Variants in MARCHF10 observed in about 807,000 individuals in gnomAD.
The protein encoded by MARCHF10 is probable E3 ubiquitin-protein ligase MARCHF10.
A neutral mutation model predicts 76.2 loss-of-function variants in MARCHF10; 64 were observed. That is an observed-to-expected ratio of 0.84 (90% CI 0.69 to 1.03). The LOEUF (loss-of-function observed/expected upper bound fraction) is 1.03, where lower values mean the gene tolerates loss of function less well. Ranked by LOEUF, MARCHF10 falls within the 50% of genes least tolerant of loss-of-function variation. The pLI, the probability that MARCHF10 is intolerant of heterozygous loss-of-function variation, is 0.00. For synonymous variants in MARCHF10, 340 were observed against 357.5 expected (o/e 0.95, Z 0.55); for missense variants, 875 against 958.0 (o/e 0.91, Z 1.14).
At position 62,780,711 on chromosome 17, in the gene MARCHF10, G is replaced by A. The variant is rs535055860; in HGVS notation, c.210+7769C>T. Among the ~76,000 whole-genome samples, 6 of 152,308 alleles carry A rather than the reference G, an allele frequency of 3.9e-5. No homozygotes were observed. In the South Asian group the frequency reaches 6.2e-4, roughly 16 times the overall value. On this transcript the variant is annotated intron_variant, in intron 3 of 10. Coordinates refer to ENST00000311269, the MANE Select transcript of MARCHF10 (RefSeq NM_152598.4). ...GATCTCTACCTTTCTTCCCCATGAA[G>A]TAAATGCAGTGAGAACGTGTTCTCA...
chr17:62,721,316 C>A (rs1479744163), intron 8 of MARCHF10, among the ~76,000 whole-genome samples: 2 of 151,752 alleles, frequency 1.3e-5, no homozygotes, highest in Non-Finnish European at 2.9e-5. Flanking sequence ...GGAAAGTGTA[C>A]TAAGTCTTTG....
chr17:62,745,411 G>T (rs1344306057), intron 4 of MARCHF10, among the ~76,000 whole-genome samples: 1 of 152,124 alleles, frequency 6.6e-6, no homozygotes. Context: ...GCCTTGCTAA[G>T]AAGTTTCTAG....
chr17:62,727,157 G>A (rs1568118536), intron 6 of MARCHF10, among the ~76,000 whole-genome samples: 1 of 152,184 alleles, frequency 6.6e-6, no homozygotes, highest in Non-Finnish European at 1.5e-5. Context: ...TCAACAGGAG[G>A]ACGAAGGGCT....
At chr17:62,779,821 G>T (rs1283638654) in intron 3 of MARCHF10, among the ~76,000 whole-genome samples, 1 of 152,358 alleles carries the variant, frequency 6.6e-6, no homozygotes, top group East Asian at 1.9e-4. Flanking sequence ...GGATGGCTGA[G>T]TGCAGTGGCT....
chr17:62,800,234 A>C (rs2093049261), intron 2 of MARCHF10, among the ~76,000 whole-genome samples: 1 of 152,206 alleles, frequency 6.6e-6, no homozygotes, highest in Non-Finnish European at 1.5e-5. Flanking sequence ...TTAGAAAATA[A>C]AACGGCAACG....
At chr17:62,793,093 A>T (rs2092897117) in intron 2 of MARCHF10, among the ~76,000 whole-genome samples, 1 of 135,530 alleles carries the variant, frequency 7.4e-6, no homozygotes, top group South Asian at 2.5e-4. Flanking sequence ...CACCACCTCC[A>T]TTACCACCAC....
At chr17:62,729,766 G>T (rs1442194942) in intron 6 of MARCHF10, among the ~76,000 whole-genome samples, 4 of 151,948 alleles carry the variant, frequency 2.6e-5, no homozygotes, top group Non-Finnish European at 5.9e-5. Context: ...TAGAGACAGG[G>T]TATCGCCATG....
intron 6 of MARCHF10, among the ~76,000 whole-genome samples, chr17:62,733,879 C>T (rs2091143568): frequency 6.6e-6 from 1 of 152,140 alleles, no homozygotes; most frequent in African/African-American, 2.4e-5. Context: ...CATAAATATA[C>T]ACAACATATT....
intron 3 of MARCHF10, among the ~76,000 whole-genome samples, chr17:62,783,127 C>T (rs1341914700): frequency 6.7e-6 from 1 of 149,360 alleles, no homozygotes; most frequent in Non-Finnish European, 1.5e-5. Context: ...CTCTGACACA[C>T]TGAGGGACAG....
intron 10 of MARCHF10, among the ~76,000 whole-genome samples, chr17:62,704,183 G>C (rs2089429004): frequency 6.6e-6 from 1 of 151,532 alleles, no homozygotes; most frequent in Non-Finnish European, 1.5e-5. Context: ...CCGAGGCGGA[G>C]GCTGGGACGC....
chr17:62,707,022 A>T (rs1473301117), intron 9 of MARCHF10, among the ~76,000 whole-genome samples: 2 of 152,190 alleles, frequency 1.3e-5, no homozygotes, highest in Non-Finnish European at 2.9e-5. Context: ...AGAAGCGAGC[A>T]TCCAGTGCTT....
intron 9 of MARCHF10, among the ~76,000 whole-genome samples, chr17:62,709,757 G>GT (rs2089812169): frequency 1.3e-5 from 2 of 151,764 alleles, no homozygotes; most frequent in Non-Finnish European, 1.5e-5. Flanking sequence ...GCCTTTTTTT[G>GT]TTTTTTGTTT....
chr17:62,779,917 C>A (rs1000373874), intron 3 of MARCHF10, among the ~76,000 whole-genome samples: 11 of 152,108 alleles, frequency 7.2e-5, no homozygotes, highest in African/African-American at 2.4e-4. Context: ...GCCAACATGG[C>A]AAGACCCTGT....
At chr17:62,778,710 C>T (rs1016930147) in intron 3 of MARCHF10, among the ~76,000 whole-genome samples, 1 of 142,970 alleles carries the variant, frequency 7.0e-6, no homozygotes, top group Non-Finnish European at 1.5e-5. Context: ...AAAATCCAGA[C>T]AAGAAAAGAG....
intron 2 of MARCHF10, among the ~76,000 whole-genome samples, chr17:62,797,630 G>T (rs1436357361): frequency 6.6e-6 from 1 of 152,222 alleles, no homozygotes; most frequent in Non-Finnish European, 1.5e-5. Flanking sequence ...GGAAGAAGAC[G>T]TTGGCAAAGT....
chr17:62,757,730 C>T lies in MARCHF10; in HGVS notation c.382+2105G>A, dbSNP rs1350200164. On this transcript the variant is annotated intron_variant, in intron 4 of 10. Transcript: ENST00000311269. ...TCTTGGACGTGGTCTAGGGCCAGAACGCAGTGATGAAGCTGGTGGTTTGTA... is the reference window on the plus strand; with the variant it reads ...TCTTGGACGTGGTCTAGGGCCAGAATGCAGTGATGAAGCTGGTGGTTTGTA... Among the ~76,000 whole-genome samples the T allele has an allele frequency of 5.3e-5, 8 of 152,320 alleles. No individual in the cohort carries two copies. The East Asian group carries it at 1.4e-3, about 26-fold the overall frequency.
At chr17:62,781,530 C>A (rs1207775049) in intron 3 of MARCHF10, among the ~76,000 whole-genome samples, 1 of 152,180 alleles carries the variant, frequency 6.6e-6, no homozygotes, top group Non-Finnish European at 1.5e-5. Context: ...AAGTACCACT[C>A]TAAAGAACTT....
At chr17:62,777,713 C>CAAAAA (rs386386400) in intron 3 of MARCHF10, among the ~76,000 whole-genome samples, 1,453 of 59,410 alleles carry the variant, frequency 0.024, 187 homozygotes, top group Non-Finnish European at 0.036. Flanking sequence ...GACTCCATCT[C>CAAAAA]AAAAAAAAAA....
chr17:62,736,634 CTT>C lies in MARCHF10; in HGVS notation c.1232_1233del (p.Gln411ArgfsTer7), dbSNP rs2091278176. 1 of 1,614,198 alleles carries C rather than the reference CTT, an allele frequency of 6.2e-7. No homozygotes were observed. The highest frequency in any genetic ancestry group is 8.5e-7 in the Non-Finnish European group (1 of 1,180,038). ...ACATTTTCAGCATTGACACCAACCT[CTT>C]GTCTGGGCTCGGATTTGGTGTCCCA... Reference protein sequence around the residue: ...LSWDTKSEPRQEVGVNAENVW... With the variant: ...LSWDTKSEPRXEVGVNAENVW... On this transcript the variant is annotated frameshift_variant, in exon 6 of 11. Coordinates refer to ENST00000311269, the MANE Select transcript of MARCHF10 (RefSeq NM_152598.4). LOFTEE classifies it high-confidence loss of function.
Sources: allele counts gnomAD v4.1 joint callset (sites outside exome capture counted in the v4.1 genomes callset), GRCh38; gene constraint gnomAD v4.1.1; transcripts MANE v1.5; gene names NCBI Gene and HGNC (gene_info 2026-07-23, HGNC 2026-07-21).